The following HSF2BP variants were observed in gnomAD, a reference collection of about 807,000 sequenced individuals.
HSF2BP encodes heat shock factor 2-binding protein.
A neutral mutation model predicts 35.0 loss-of-function variants in HSF2BP; 35 were observed. The observed-to-expected ratio is 1.00, with a 90% CI of 0.76 to 1.32. The LOEUF is 1.32. Among genes scored for constraint, HSF2BP ranks in the 40% most tolerant of loss-of-function variants. The probability of loss-of-function intolerance (pLI) is 0.00; values close to 1 mark genes in which losing one functional copy is unlikely to be tolerated. For missense variants in HSF2BP, 326 were observed against 321.7 expected (o/e 1.01, Z -0.10); for synonymous variants, 114 against 117.4 (o/e 0.97, Z 0.18).
chr21:43,574,993 G>A (rs548212895), intron 8 of HSF2BP, among the ~76,000 whole-genome samples: 16 of 152,314 alleles, frequency 1.1e-4, no homozygotes, highest in African/African-American at 3.4e-4. Context: ...AGGGCTCACC[G>A]CATGCGCACA....
At chr21:43,646,880 C>T (rs1234253904) in intron 3 of HSF2BP, among the ~76,000 whole-genome samples, 10 of 152,202 alleles carry the variant, frequency 6.6e-5, no homozygotes, top group Admixed American at 2.6e-4. Flanking sequence ...CGGAACAGAA[C>T]CCTGACCTTG....
At chr21:43,581,086 C>T (rs2081722570) in intron 8 of HSF2BP, among the ~76,000 whole-genome samples, 2 of 152,164 alleles carry the variant, frequency 1.3e-5, no homozygotes, top group Admixed American at 1.3e-4. Context: ...CTTAAGTTAG[C>T]TTAAGAAAGG....
chr21:43,609,487 C>T (rs1168909803), intron 7 of HSF2BP, among the ~76,000 whole-genome samples: 1 of 152,122 alleles, frequency 6.6e-6, no homozygotes, highest in Non-Finnish European at 1.5e-5. Context: ...TAACCCCTAT[C>T]TCTGGGTCTA....
At chr21:43,586,698 G>A (rs944045883) in intron 8 of HSF2BP, among the ~76,000 whole-genome samples, 15 of 152,042 alleles carry the variant, frequency 9.9e-5, no homozygotes, top group African/African-American at 3.4e-4. Flanking sequence ...GGTTGAATGA[G>A]TCCAAAGCTC....
At chr21:43,642,432 C>G (rs868403715) in intron 4 of HSF2BP, among the ~76,000 whole-genome samples, 3 of 152,276 alleles carry the variant, frequency 2.0e-5, no homozygotes, top group Middle Eastern at 6.8e-3. Flanking sequence ...TCAACAGAGA[C>G]TACAGCAAAG....
chr21:43,652,363 A>G (rs2082799321), intron 3 of HSF2BP, among the ~76,000 whole-genome samples: 1 of 144,182 alleles, frequency 6.9e-6, no homozygotes, highest in African/African-American at 2.6e-5. Context: ...AGATCACACC[A>G]CTGCACTCCA....
At position 43,591,578 on chromosome 21, in the gene HSF2BP, A is replaced by G. The variant is rs959888831; in HGVS notation, c.796+647T>C. Among the ~76,000 whole-genome samples the G allele has an allele frequency of 9.2e-5, 14 of 152,354 alleles. No individual in the cohort carries two copies. The East Asian group carries it at 2.7e-3, about 29-fold the overall frequency. ...CTAAAATTTGACTTTTTTTAAAAGA[A>G]AGAACATCTTACAATCAATCCTACT... On this transcript the variant is annotated intron_variant, in intron 8 of 8. Transcript: ENST00000291560.
chr21:43,601,617 A>G (rs2082053273), intron 7 of HSF2BP, among the ~76,000 whole-genome samples: 1 of 152,220 alleles, frequency 6.6e-6, no homozygotes, highest in African/African-American at 2.4e-5. Flanking sequence ...TGTTCACAGC[A>G]CCATCTACCA....
intron 6 of HSF2BP, 24 bp from the exon 7 acceptor site, chr21:43,613,971 C>T: frequency 6.7e-7 from 1 of 1,496,352 alleles, no homozygotes; most frequent in Non-Finnish European, 9.3e-7. Context: ...TGAAACAAAA[C>T]ATCAAGATCA....
chr21:43,644,784 C>T (rs528833871), intron 3 of HSF2BP, among the ~76,000 whole-genome samples: 1 of 152,178 alleles, frequency 6.6e-6, no homozygotes, highest in African/African-American at 2.4e-5. Flanking sequence ...AGGGAGTGCA[C>T]GGCGCCAGCA....
chr21:43,637,180 T>C, intron 4 of HSF2BP, among the ~76,000 whole-genome samples: 1 of 152,072 alleles, frequency 6.6e-6, no homozygotes, highest in Admixed American at 6.5e-5. Context: ...CATCAACTGG[T>C]GAATGGATGA....
intron 8 of HSF2BP, among the ~76,000 whole-genome samples, chr21:43,575,372 C>CTTGCTTTT (rs745542212): frequency 1.1e-4 from 16 of 152,208 alleles, no homozygotes; most frequent in Non-Finnish European, 2.2e-4. Flanking sequence ...CAGAGAATTA[C>CTTGCTTTT]ACCCGCCACC....
chr21:43,630,246 T>A, intron 6 of HSF2BP, 76 bp downstream of exon 6: 1 of 1,292,824 alleles, frequency 7.7e-7, no homozygotes, highest in Non-Finnish European at 1.1e-6. Context: ...GTGACTCATG[T>A]ATTATTGCAG....
intron 6 of HSF2BP, among the ~76,000 whole-genome samples, chr21:43,616,224 AG>A (rs374669636): frequency 4.6e-5 from 7 of 152,146 alleles, no homozygotes; most frequent in African/African-American, 1.4e-4. Context: ...GAGCCTTCCA[AG>A]GATGGACAGG....
chr21:43,632,550 A>C (rs2082494986), intron 5 of HSF2BP, among the ~76,000 whole-genome samples: 1 of 151,992 alleles, frequency 6.6e-6, no homozygotes, highest in African/African-American at 2.4e-5. Flanking sequence ...CTTACACAAG[A>C]ATTTTCTTCA....
intron 3 of HSF2BP, among the ~76,000 whole-genome samples, chr21:43,653,199 GGGGAAGGGAAGGGAAGGGGAA>G (rs1415759208): frequency 3.0e-4 from 5 of 16,734 alleles, no homozygotes; most frequent in Non-Finnish European, 4.9e-4. Flanking sequence ...AGGAAGGGAA[GGGGAAGGGAAGGGAAGGGGAA>G]GGGAAGGGAA....
chr21:43,638,301 T>C (rs77957053), intron 4 of HSF2BP, among the ~76,000 whole-genome samples: 1,950 of 151,968 alleles, frequency 0.013, 42 homozygotes, highest in African/African-American at 0.043. Context: ...GTACTAAAAA[T>C]ACAAAAATTA....
rs140427446 is a variant in HSF2BP, at chr21:43,644,295, C to G, written c.285G>C (p.Glu95Asp). The G allele has an allele frequency of 2.5e-6, 4 of 1,613,334 alleles. No homozygotes were observed. Among genetic ancestry groups the G allele is most frequent in the Admixed American group, 1.7e-5 (1 of 60,030 alleles). ...LETVQADNIR[E>D]KKEKLALRQQ... ...CTGTCCCTGAGCATGGTACCTTCTT[C>G]TCTCTTATGTTGTCGGCCTGCACGG... is the stretch of plus-strand genomic sequence containing the variant. Residue 95 changes from glutamate to aspartate, a missense_variant, in exon 4 of 9, where the codon GAG (glutamate) becomes GAC (aspartate). Physicochemically the swap from Glu to Asp is conservative, Grantham distance 45 (BLOSUM62 2). Coordinates refer to ENST00000291560, the MANE Select transcript of HSF2BP (RefSeq NM_007031.2).
chr21:43,576,693 A>G (rs17004581), intron 8 of HSF2BP, among the ~76,000 whole-genome samples: 5,986 of 152,298 alleles, frequency 0.039, 413 homozygotes, highest in African/African-American at 0.14. Flanking sequence ...AATCTTGAAA[A>G]ATTAAATTTG....
Sources: gnomAD v4.1 joint callset for allele counts (sites outside exome capture counted in the v4.1 genomes callset) on GRCh38, gnomAD v4.1.1 for gene constraint, MANE v1.5 for transcripts, NCBI Gene and HGNC (gene_info 2026-07-23, HGNC 2026-07-21) for gene names.